Variants in SPAG16 observed in about 807,000 individuals in gnomAD.
The protein encoded by SPAG16 is sperm-associated antigen 16 protein.
In SPAG16, 86 loss-of-function variants were observed where a neutral mutation model predicts 80.4. That is an observed-to-expected ratio of 1.07 (90% CI 0.90 to 1.28). SPAG16 has a LOEUF of 1.28. Among genes scored for constraint, SPAG16 ranks in the 50% most tolerant of loss-of-function variants. The pLI is 0.00. For synonymous variants in SPAG16, 294 were observed against 265.9 expected (o/e 1.11, Z -1.03); for missense variants, 870 against 765.3 (o/e 1.14, Z -1.61).
rs1481429319 is a variant in SPAG16 at position 214,100,215 on chromosome 2, TC to T, written c.1528-7979del. 5.9e-5 allele frequency among the ~76,000 whole-genome samples: 9 copies of T among 152,178 alleles called. No individual in the cohort carries two copies. The East Asian group carries it at 1.7e-3, about 29-fold the overall frequency. ...TCCCCTTCTGCCATGATTGTAAGTT[TC>T]CTGAGGCTTCCCCAGGAAAATTAAA... On this transcript the variant is annotated intron_variant, in intron 13 of 15. Coordinates refer to ENST00000331683, the MANE Select transcript of SPAG16 (RefSeq NM_024532.5).
At chr2:213,377,495 C>G (rs1267479180) in intron 9 of SPAG16, among the ~76,000 whole-genome samples, 1 of 152,132 alleles carries the variant, frequency 6.6e-6, no homozygotes, top group Non-Finnish European at 1.5e-5. Flanking sequence ...ATATGTCCAG[C>G]TTTATGTAAC....
chr2:213,743,048 C>T (rs912572948), intron 10 of SPAG16, among the ~76,000 whole-genome samples: 2 of 151,774 alleles, frequency 1.3e-5, no homozygotes, highest in South Asian at 2.1e-4. Context: ...GGACTACAGG[C>T]GCCCGCCACC....
intron 15 of SPAG16, among the ~76,000 whole-genome samples, chr2:214,319,729 T>C (rs1157821871): frequency 6.6e-6 from 1 of 152,188 alleles, no homozygotes; most frequent in East Asian, 1.9e-4. Flanking sequence ...CTCATATTTG[T>C]AACCCCAGAA....
chr2:213,389,973 G>C (rs1203715063), intron 9 of SPAG16, among the ~76,000 whole-genome samples: 1 of 152,164 alleles, frequency 6.6e-6, no homozygotes, highest in Non-Finnish European at 1.5e-5. Context: ...CTGAAACATG[G>C]AGACAATTCA....
At chr2:214,264,442 T>A (rs1295811073) in intron 15 of SPAG16, among the ~76,000 whole-genome samples, 2 of 152,028 alleles carry the variant, frequency 1.3e-5, no homozygotes, top group African/African-American at 4.8e-5. Context: ...GATCTTCTAA[T>A]TTTTTTTATT....
At chr2:213,941,021 T>A (rs2079176767) in intron 12 of SPAG16, among the ~76,000 whole-genome samples, 1 of 152,172 alleles carries the variant, frequency 6.6e-6, no homozygotes, top group Admixed American at 6.6e-5. Flanking sequence ...AAATGATTGT[T>A]CACCTTCTCT....
At chr2:214,179,968 T>C (rs1042138109) in intron 15 of SPAG16, among the ~76,000 whole-genome samples, 3 of 151,534 alleles carry the variant, frequency 2.0e-5, no homozygotes, top group Non-Finnish European at 4.4e-5. Context: ...GGGTTAGCAG[T>C]TATTCAGGAA....
chr2:214,276,680 C>T (rs1246396038), intron 15 of SPAG16, among the ~76,000 whole-genome samples: 1 of 152,156 alleles, frequency 6.6e-6, no homozygotes, highest in Non-Finnish European at 1.5e-5. Flanking sequence ...CTGATAGTTA[C>T]CCTTTGTGGG....
chr2:213,625,175 G>A (rs1004187674), intron 10 of SPAG16, among the ~76,000 whole-genome samples: 11 of 152,084 alleles, frequency 7.2e-5, no homozygotes, highest in African/African-American at 2.7e-4. Context: ...AAGCTATAAA[G>A]ACATACCTGA....
At chr2:214,266,670 CATG>C (rs1162772109) in intron 15 of SPAG16, among the ~76,000 whole-genome samples, 2 of 151,548 alleles carry the variant, frequency 1.3e-5, no homozygotes, top group Non-Finnish European at 1.5e-5. Flanking sequence ...GTACTGACAA[CATG>C]ATGTTATAGA....
intron 10 of SPAG16, among the ~76,000 whole-genome samples, chr2:213,681,422 A>G (rs1340738300): frequency 6.6e-6 from 1 of 152,272 alleles, no homozygotes; most frequent in South Asian, 2.1e-4. Context: ...ATAATCTTGT[A>G]TGTTTCTCTT....
intron 9 of SPAG16, among the ~76,000 whole-genome samples, chr2:213,395,443 ATACTT>A (rs1401612178): frequency 1.3e-5 from 2 of 152,198 alleles, no homozygotes; most frequent in Non-Finnish European, 2.9e-5. Context: ...AGTTTTGAAT[ATACTT>A]TACTTCCATC....
At chr2:213,749,535 C>G (rs1388543034) in intron 10 of SPAG16, among the ~76,000 whole-genome samples, 2 of 152,184 alleles carry the variant, frequency 1.3e-5, no homozygotes, top group East Asian at 1.9e-4. Context: ...CGTTAAATCT[C>G]TGTCCTCCAT....
intron 9 of SPAG16, among the ~76,000 whole-genome samples, chr2:213,384,775 C>T (rs1443958785): frequency 2.6e-5 from 4 of 152,158 alleles, no homozygotes; most frequent in Admixed American, 2.6e-4. Context: ...CCTGATCATC[C>T]ATCCTGTTTC....
At chr2:213,788,128 T>G (rs2070457252) in intron 10 of SPAG16, among the ~76,000 whole-genome samples, 1 of 152,002 alleles carries the variant, frequency 6.6e-6, no homozygotes, top group Admixed American at 6.6e-5. Context: ...CGATCACTCA[T>G]TCTAAGAAAT....
intron 10 of SPAG16, among the ~76,000 whole-genome samples, chr2:213,799,157 T>C (rs1471431883): frequency 6.6e-6 from 1 of 152,180 alleles, no homozygotes; most frequent in African/African-American, 2.4e-5. Context: ...TAGACCAATT[T>C]GTAGAGTATT....
intron 13 of SPAG16, among the ~76,000 whole-genome samples, chr2:214,089,276 AG>A (rs1182048738): frequency 6.6e-6 from 1 of 152,082 alleles, no homozygotes; most frequent in Non-Finnish European, 1.5e-5. Flanking sequence ...AATAGATACA[AG>A]TAAAGTTTAG....
At chr2:213,311,470 G>A (rs1242478554) in intron 4 of SPAG16, among the ~76,000 whole-genome samples, 19 of 151,562 alleles carry the variant, frequency 1.3e-4, no homozygotes. Flanking sequence ...TAACAATTCG[G>A]TGACTATTGT....
chr2:213,976,107 GAGATATATATATAT>G (rs2045357818), intron 12 of SPAG16, among the ~76,000 whole-genome samples: 1 of 86,320 alleles, frequency 1.2e-5, no homozygotes, highest in Admixed American at 1.2e-4. Flanking sequence ...GACAGTGAGG[GAGATATATATATAT>G]ATATATATAT....
Sources: allele counts gnomAD v4.1 joint callset (sites outside exome capture counted in the v4.1 genomes callset), GRCh38; gene constraint gnomAD v4.1.1; transcripts MANE v1.5; gene names NCBI Gene and HGNC (gene_info 2026-07-23, HGNC 2026-07-21).